The following TBC1D14 variants were observed in gnomAD, a reference collection of about 807,000 sequenced individuals.
TBC1D14 encodes TBC1 domain family member 14.
TBC1D14 carries 26 observed loss-of-function variants against 79.0 expected under a neutral mutation model. The ratio of observed to expected loss-of-function variants is 0.33; its 90% CI spans 0.24 to 0.46. The LOEUF is 0.46. TBC1D14 is among the 20% of genes least tolerant of loss of function. TBC1D14 has a pLI of 1.00. For missense variants in TBC1D14, 769 were observed against 887.6 expected (o/e 0.87, Z 1.70); for synonymous variants, 394 against 349.9 (o/e 1.13, Z -1.40).
At chr4:6,967,045 G>A (rs1419419925) in intron 2 of TBC1D14, among the ~76,000 whole-genome samples, 2 of 152,116 alleles carry the variant, frequency 1.3e-5, no homozygotes, top group East Asian at 1.9e-4. Context: ...TCCTGACCTC[G>A]TGATCTGCCC....
Position 7,027,665 on chromosome 4 carries a change from CCACACAAT to C in TBC1D14, c.2016+2410_2016+2417del, listed in dbSNP as rs539196211. 3.2e-3 allele frequency among the ~76,000 whole-genome samples: 345 copies of C among 109,056 alleles called. 4 individuals are homozygous for C. The highest frequency in any genetic ancestry group is 6.2e-3 in the African/African-American group (175 of 28,172). The allele number at this position is 109,056 out of a possible 152,430, so 71.5% of individuals were successfully genotyped here. A position where few individuals can be genotyped will look rare whatever the true frequency, so the allele number is the denominator to read the frequency against. On this transcript the variant is annotated intron_variant, in intron 13 of 13. Coordinates refer to ENST00000409757, the MANE Select transcript of TBC1D14 (RefSeq NM_020773.3). ...CACATCACACACCCCCACAATCACC[CCACACAAT>C]CACACACCCACACAAAATCACCCCC...
intron 8 of TBC1D14, 83 bp from the exon 9 acceptor site, chr4:7,006,549 G>A (rs1720214245): frequency 7.7e-7 from 1 of 1,302,782 alleles, no homozygotes; most frequent in South Asian, 1.3e-5. Context: ...TCCGTGTTTT[G>A]TTCTTGTAAA....
At chr4:6,971,520 T>C (rs1228048741) in intron 3 of TBC1D14, among the ~76,000 whole-genome samples, 1 of 152,236 alleles carries the variant, frequency 6.6e-6, no homozygotes, top group East Asian at 1.9e-4. Flanking sequence ...AGTTATCTTT[T>C]CAAATTGCAT....
At chr4:6,939,904 G>A (rs754286444) in intron 2 of TBC1D14, among the ~76,000 whole-genome samples, 5 of 152,216 alleles carry the variant, frequency 3.3e-5, no homozygotes, top group South Asian at 2.1e-4. Flanking sequence ...CAGTGGAGAC[G>A]AAGGCCCTGA....
intron 10 of TBC1D14, among the ~76,000 whole-genome samples, chr4:7,010,332 A>C (rs565460256): frequency 6.6e-6 from 1 of 152,282 alleles, no homozygotes; most frequent in South Asian, 2.1e-4. Flanking sequence ...GAGATAGATA[A>C]CACAAGTCTA....
chr4:6,999,787 A>C (rs569972217), intron 6 of TBC1D14, among the ~76,000 whole-genome samples: 1 of 152,184 alleles, frequency 6.6e-6, no homozygotes, highest in Admixed American at 6.5e-5. Context: ...CTGTGTGCAC[A>C]CAGCTGTCTG....
chr4:7,008,712 C>G (rs1478290611), intron 9 of TBC1D14, among the ~76,000 whole-genome samples: 1 of 152,194 alleles, frequency 6.6e-6, no homozygotes, highest in Admixed American at 6.5e-5. Context: ...CGCCCAGCCG[C>G]ATCATTGTTT....
In TBC1D14 at chr4:7,031,489, C is replaced by T. The variant is rs1189767476; in HGVS notation, c.*1097C>T. 1 of 152,260 alleles carries T rather than the reference C, an allele frequency of 6.6e-6. No homozygotes were observed. The highest frequency in any genetic ancestry group is 1.5e-5 in the Non-Finnish European group (1 of 68,052). 9.4% of individuals were successfully genotyped at this position (152,260 alleles called of 1,614,324 possible). ...TCAGATGCTCATACTGGACCATCAG[C>T]CTCCCCATTTTAGCTGACTTTCCCA... On this transcript the variant is annotated 3_prime_UTR_variant, in exon 14 of 14. Coordinates refer to ENST00000409757, the MANE Select transcript of TBC1D14 (RefSeq NM_020773.3).
intron 2 of TBC1D14, among the ~76,000 whole-genome samples, chr4:6,956,557 C>G (rs1577082522): frequency 1.3e-5 from 2 of 152,358 alleles, no homozygotes; most frequent in African/African-American, 4.8e-5. Flanking sequence ...TCCCCCTTCA[C>G]TCTCGCCTGG....
At chr4:7,019,630 C>A (rs906977095) in intron 12 of TBC1D14, among the ~76,000 whole-genome samples, 2 of 152,238 alleles carry the variant, frequency 1.3e-5, no homozygotes, top group Non-Finnish European at 2.9e-5. Context: ...TCATGCGGTG[C>A]TCATGATGTT....
At chr4:7,009,683 G>A (rs907037371) in intron 9 of TBC1D14, among the ~76,000 whole-genome samples, 194 bp from the exon 10 acceptor site, 1 of 152,234 alleles carries the variant, frequency 6.6e-6, no homozygotes, top group Non-Finnish European at 1.5e-5. Flanking sequence ...AGCGTGAGCT[G>A]CAGACTTCCC....
chr4:6,994,879 AAAG>A (rs1188499117), intron 4 of TBC1D14, among the ~76,000 whole-genome samples: 3 of 151,984 alleles, frequency 2.0e-5, no homozygotes, highest in Non-Finnish European at 4.4e-5. Context: ...AAAAAAAAAA[AAAG>A]AAGCAGTGTG....
chr4:6,929,631 C>T (rs975681247), intron 2 of TBC1D14, among the ~76,000 whole-genome samples: 2 of 152,088 alleles, frequency 1.3e-5, no homozygotes, highest in African/African-American at 4.8e-5. Flanking sequence ...GGAGGGGAGA[C>T]CACAGAGATG....
intron 3 of TBC1D14, chr4:6,987,087 C>T (rs1717914578): frequency 3.8e-6 from 4 of 1,046,912 alleles, no homozygotes; most frequent in South Asian, 9.5e-5. Flanking sequence ...AGCCCCGCCC[C>T]TTGTGCCCGC....
Position 7,007,764 on chromosome 4 carries a change from C to T in TBC1D14, c.1446+1038C>T, listed in dbSNP as rs117830379. ...TTTTGCCCCAGTTCGTCTCCATAGG[C>T]CTCAGTGCACTCCATGCTTTGCAGC... On this transcript the variant is annotated intron_variant, in intron 9 of 13. Coordinates refer to ENST00000409757, the MANE Select transcript of TBC1D14 (RefSeq NM_020773.3). 1,045 of 388,824 alleles carry T rather than the reference C, an allele frequency of 2.7e-3. 32 individuals carry two copies. In the East Asian group the frequency reaches 0.065, roughly 24 times the overall value. The allele number at this position is 388,824 out of a possible 1,614,324, so 24.1% of individuals were successfully genotyped here.
chr4:6,931,050 A>G (rs1271088848), intron 2 of TBC1D14, among the ~76,000 whole-genome samples: 1 of 152,000 alleles, frequency 6.6e-6, no homozygotes, highest in Non-Finnish European at 1.5e-5. Context: ...ACAGGTGCGC[A>G]CTACCACACC....
At chr4:6,987,145 C>T in intron 3 of TBC1D14, 1 of 1,197,594 alleles carries the variant, frequency 8.4e-7, no homozygotes, top group Non-Finnish European at 1.0e-6. Context: ...CCAGCCAGGC[C>T]TGACGCGCCG....
Position 7,009,869 on chromosome 4 carries a change from C to T in TBC1D14, c.1447-8C>T, listed in dbSNP as rs1333491143. On this transcript the variant is annotated splice_region_variant and splice_polypyrimidine_tract_variant and intron_variant, in intron 9 of 13. Coordinates refer to ENST00000409757, the MANE Select transcript of TBC1D14 (RefSeq NM_020773.3). ...CATGTGTTGTTTTTGCTGTGTTGATCCTTTTAGGGTGGTCCATATCATGAC... is the reference window on the plus strand; with the variant it reads ...CATGTGTTGTTTTTGCTGTGTTGATTCTTTTAGGGTGGTCCATATCATGAC... 6.2e-7 allele frequency: 1 copy of T among 1,614,024 alleles called. No homozygotes were observed. The highest frequency in any genetic ancestry group is 1.1e-5 in the South Asian group (1 of 91,072).
At chr4:6,988,756 G>C (rs896898153) in intron 3 of TBC1D14, among the ~76,000 whole-genome samples, 7 of 152,146 alleles carry the variant, frequency 4.6e-5, no homozygotes, top group African/African-American at 1.7e-4. Context: ...TGGAAGTCAG[G>C]GGGCTTCCAG....
Sources: allele counts gnomAD v4.1 joint callset (sites outside exome capture counted in the v4.1 genomes callset), GRCh38; gene constraint gnomAD v4.1.1; transcripts MANE v1.5; gene names NCBI Gene and HGNC (gene_info 2026-07-23, HGNC 2026-07-21).